Variants in NNT observed in about 807,000 individuals in gnomAD.
NNT encodes NAD(P) transhydrogenase, mitochondrial.
NNT carries 50 observed loss-of-function variants against 104.8 expected under a neutral mutation model. That is an observed-to-expected ratio of 0.48 (90% CI 0.38 to 0.60). The LOEUF (loss-of-function observed/expected upper bound fraction) is 0.60. Among genes scored for constraint, NNT ranks in the 20% least tolerant of loss-of-function variants. The pLI is 0.00. For missense variants in NNT, 1,131 were observed against 1,330.7 expected, an observed-to-expected ratio of 0.85 and a Z score of 2.33; for synonymous variants, 461 against 490.4, an observed-to-expected ratio of 0.94 and a Z score of 0.79.
At chr5:43,655,241 T>C (rs1356059068) in intron 14 of NNT, among the ~76,000 whole-genome samples, 1 of 152,160 alleles carries the variant, frequency 6.6e-6, no homozygotes, top group Non-Finnish European at 1.5e-5. Flanking sequence ...AGGGGAAGGT[T>C]GGGAGTTTGT....
rs1485873092 is a variant in NNT at position 43,656,811 on chromosome 5, A to G, written c.2452A>G (p.Met818Val). 32 of 1,609,320 alleles carry G rather than the reference A, an allele frequency of 2.0e-5. No homozygotes were observed. The highest frequency in any genetic ancestry group is 2.6e-5 in the Non-Finnish European group (31 of 1,178,746). ...LGSVSALSAV[M>V]GVTLTAAIGG... is the part of the protein sequence containing the mutation. ...TTCAGTGTCTGCTCTCTCTGCTGTC[A>G]TGGTAAGAAGTCAGAGATTGAAAAG... The change falls in exon 16 of 22, where the codon ATG (methionine) becomes GTG (valine). Residue 818 changes from methionine (M) to valine (V), a missense_variant and splice_region_variant. Physicochemically the swap from Met to Val is conservative, Grantham distance 21. Transcript: ENST00000344920.
chr5:43,643,370 C>G (rs10472385), intron 7 of NNT, among the ~76,000 whole-genome samples: 1 of 152,126 alleles, frequency 6.6e-6, no homozygotes, highest in South Asian at 2.1e-4. Context: ...TCGAAAAGTC[C>G]TAAGGTCTGG....
chr5:43,703,275 G>C (rs530751803), intron 21 of NNT, among the ~76,000 whole-genome samples: 2 of 152,258 alleles, frequency 1.3e-5, no homozygotes, highest in South Asian at 2.1e-4. Flanking sequence ...TAACTCAAAG[G>C]CTTGTAAATT....
chr5:43,670,830 G>C (rs922284823), intron 17 of NNT, among the ~76,000 whole-genome samples: 10 of 152,106 alleles, frequency 6.6e-5, no homozygotes, highest in African/African-American at 2.2e-4. Context: ...TAAACTCCTG[G>C]ATATCCTTGT....
In NNT at chr5:43,705,333, T is replaced by G. The variant is rs1743058746; in HGVS notation, c.*929T>G. ...ACCTGCTACTATGAAATAGATGACA[T>G]TAATCTGTCTTCACTGTTTATAATA... On this transcript the variant is annotated 3_prime_UTR_variant, in exon 22 of 22. Transcript: ENST00000344920. 6.6e-6 allele frequency: 1 copy of G among 152,142 alleles called. No individual in the cohort carries two copies. The highest frequency in any genetic ancestry group is 2.4e-5 in the African/African-American group (1 of 41,450). The allele number at this position is 152,142 out of a possible 1,614,324, so 9.4% of individuals were successfully genotyped here.
chr5:43,643,152 A>C (rs1201102829), intron 7 of NNT, among the ~76,000 whole-genome samples: 1 of 152,154 alleles, frequency 6.6e-6, no homozygotes, highest in Non-Finnish European at 1.5e-5. Flanking sequence ...TCCTGGGCTC[A>C]AGTGATCCTC....
intron 11 of NNT, 105 bp downstream of exon 11, chr5:43,649,413 C>A: frequency 1.5e-6 from 2 of 1,346,002 alleles, no homozygotes; most frequent in Non-Finnish European, 2.1e-6. Context: ...AGTTGTTTTG[C>A]TTGGCATCTG....
chr5:43,619,652 G>A (rs1413179418), intron 5 of NNT, among the ~76,000 whole-genome samples: 1 of 152,176 alleles, frequency 6.6e-6, no homozygotes, highest in Non-Finnish European at 1.5e-5. Flanking sequence ...ATGGCTTGCT[G>A]AAAGAATAGG....
chr5:43,606,474 AT>A (rs1749231679), intron 1 of NNT, among the ~76,000 whole-genome samples: 2 of 152,232 alleles, frequency 1.3e-5, no homozygotes, highest in African/African-American at 4.8e-5. Context: ...TGAGTAGGGT[AT>A]TTATGAGACT....
At chr5:43,687,268 T>C (rs1742036466) in intron 19 of NNT, among the ~76,000 whole-genome samples, 1 of 152,170 alleles carries the variant, frequency 6.6e-6, no homozygotes, top group Non-Finnish European at 1.5e-5. Flanking sequence ...CTGTAGAATC[T>C]TGTCATGGTC....
At chr5:43,651,542 C>A (rs3792922) in intron 12 of NNT, among the ~76,000 whole-genome samples, 197 bp from the exon 13 acceptor site, 5,132 of 152,010 alleles carry the variant, frequency 0.034, 136 homozygotes, top group East Asian at 0.12. Context: ...CGTGTCACTG[C>A]ACCCTAGCCT....
chr5:43,633,022 T>G (rs560598862), intron 7 of NNT, among the ~76,000 whole-genome samples: 4 of 152,180 alleles, frequency 2.6e-5, no homozygotes, highest in Non-Finnish European at 5.9e-5. Context: ...TGAAGAGAAC[T>G]ATGGAGCACA....
At chr5:43,645,949 G>A (rs970417154) in intron 10 of NNT, among the ~76,000 whole-genome samples, 9 of 151,472 alleles carry the variant, frequency 5.9e-5, no homozygotes, top group Admixed American at 1.3e-4. Context: ...TCCTGACCTC[G>A]TGATCTGCCC....
intron 7 of NNT, 48 bp downstream of exon 7, chr5:43,628,435 T>C: frequency 7.0e-7 from 1 of 1,421,214 alleles, no homozygotes; most frequent in Non-Finnish European, 9.4e-7. Context: ...TTACTCTTTT[T>C]TTTTAAAAAA....
chr5:43,675,521 GCT>G lies in NNT; in HGVS notation c.2647_2648del (p.Ser883ProfsTer3), dbSNP rs759275631. 6.2e-7 allele frequency: 1 copy of G among 1,608,380 alleles called. No individual in the cohort carries two copies. Among genetic ancestry groups the G allele is most frequent in the East Asian group, 2.2e-5 (1 of 44,684 alleles). On this transcript the variant is annotated frameshift_variant, in exon 18 of 22. Transcript: ENST00000344920. LOFTEE classifies it high-confidence loss of function. ...AATTTGGCTTTCTAGGCAATGAATC[GCT>G]CCCTGGCTAATGTGATTCTTGGAGG...
intron 17 of NNT, among the ~76,000 whole-genome samples, chr5:43,664,953 C>A (rs1252995605): frequency 2.0e-5 from 3 of 151,638 alleles, no homozygotes; most frequent in Admixed American, 2.0e-4. Flanking sequence ...CCTTTTTTTT[C>A]TCCCTAAGAT....
intron 7 of NNT, among the ~76,000 whole-genome samples, chr5:43,633,717 T>C (rs1002579562): frequency 2.6e-5 from 4 of 152,200 alleles, no homozygotes; most frequent in African/African-American, 9.6e-5. Flanking sequence ...AACTAATAAT[T>C]CTGGATACCT....
intron 20 of NNT, among the ~76,000 whole-genome samples, chr5:43,701,792 T>C (rs1742864070): frequency 6.6e-6 from 1 of 152,216 alleles, no homozygotes; most frequent in South Asian, 2.1e-4. Context: ...GAGATAGTAA[T>C]TTCATTGTGG....
intron 3 of NNT, among the ~76,000 whole-genome samples, chr5:43,615,088 G>T (rs1749713710): frequency 1.3e-5 from 2 of 151,940 alleles, no homozygotes; most frequent in Admixed American, 6.5e-5. Flanking sequence ...AGTGAGCCGA[G>T]ATTGCGCCAC....
Sources: gnomAD v4.1 joint callset for allele counts (sites outside exome capture counted in the v4.1 genomes callset) on GRCh38, gnomAD v4.1.1 for gene constraint, MANE v1.5 for transcripts, NCBI Gene and HGNC (gene_info 2026-07-23, HGNC 2026-07-21) for gene names.